The following CTNNAL1 variants were observed in gnomAD, a reference collection of about 807,000 sequenced individuals.
CTNNAL1 encodes alpha-catulin.
In CTNNAL1, 69 loss-of-function variants were observed where a neutral mutation model predicts 93.6. That is an observed-to-expected ratio of 0.74 (90% CI 0.61 to 0.90). The LOEUF (loss-of-function observed/expected upper bound fraction) is 0.90, where lower values mean the gene tolerates loss of function less well. Among genes scored for constraint, CTNNAL1 ranks in the 40% least tolerant of loss-of-function variants. The probability of loss-of-function intolerance (pLI) is 0.00; values close to 1 mark genes in which losing one functional copy is unlikely to be tolerated. For synonymous variants in CTNNAL1, 286 were observed against 305.4 expected, an observed-to-expected ratio of 0.94 and a Z score of 0.66; for missense variants, 836 against 862.0, an observed-to-expected ratio of 0.97 and a Z score of 0.38.
intron 4 of CTNNAL1, among the ~76,000 whole-genome samples, chr9:108,985,254 A>G (rs1831570387): frequency 6.6e-6 from 1 of 152,238 alleles, no homozygotes. Flanking sequence ...ACAGCTACTC[A>G]ATTCTGTCAT....
intron 6 of CTNNAL1, among the ~76,000 whole-genome samples, chr9:108,981,998 G>A (rs1831447608): frequency 6.6e-6 from 1 of 152,204 alleles, no homozygotes; most frequent in Admixed American, 6.5e-5. Flanking sequence ...AGCCCTGTCT[G>A]TTAGAGAGGT....
intron 14 of CTNNAL1, 130 bp downstream of exon 14, chr9:108,952,079 A>G (rs1830578466): frequency 7.2e-6 from 5 of 690,676 alleles, no homozygotes; most frequent in Admixed American, 3.4e-5. Context: ...TTGTCATAGT[A>G]ACTACTTTTA....
rs768941003 is a variant in CTNNAL1 at position 109,013,396 on chromosome 9, ACTGCTCCGGCGCCGCCAACGCCGGCGGGT to A, written c.18_46del (p.Pro7LeufsTer37). On this transcript the variant is annotated frameshift_variant, in exon 1 of 19. Transcript: ENST00000325551. LOFTEE classifies it high-confidence loss of function. The stretch of plus-strand genomic sequence containing the variant: ...GAAGCCCGAAGAGCCGGAGCCGTAG[ACTGCTCCGGCGCCGCCAACGCCGGCGGGT>A]CCGGGAGAGGCGGCCATGGCCCTCG... 10 of 1,500,538 alleles carry A rather than the reference ACTGCTCCGGCGCCGCCAACGCCGGCGGGT, an allele frequency of 6.7e-6. No individual in the cohort carries two copies. The East Asian group carries it at 2.9e-4, about 43-fold the overall frequency. 93.0% of individuals were successfully genotyped at this position (1,500,538 alleles called of 1,614,324 possible). A position where few individuals can be genotyped will look rare whatever the true frequency, so the allele number is the denominator to read the frequency against.
intron 1 of CTNNAL1, 105 bp downstream of exon 1, chr9:109,013,197 G>T: frequency 1.5e-6 from 2 of 1,322,454 alleles, no homozygotes; most frequent in Non-Finnish European, 2.0e-6. Context: ...GTGCCGGCGC[G>T]GAAAGTGGGG....
chr9:108,971,572 T>A (rs2132130090), intron 9 of CTNNAL1, among the ~76,000 whole-genome samples: 1 of 152,148 alleles, frequency 6.6e-6, no homozygotes, highest in Admixed American at 6.6e-5. Flanking sequence ...AAATGGGAGT[T>A]CCCCCCCTGT....
chr9:109,005,898 CTGGAAAGCAGTCTAGGAAATGT>C (rs1467066452), intron 1 of CTNNAL1, among the ~76,000 whole-genome samples: 1 of 152,220 alleles, frequency 6.6e-6, no homozygotes, highest in Non-Finnish European at 1.5e-5. Context: ...CTTCCTTTCA[CTGGAAAGCAGTCTAGGAAATGT>C]TCAATCCAAA....
chr9:108,986,799 T>C (rs1831623262), intron 4 of CTNNAL1, among the ~76,000 whole-genome samples: 1 of 152,264 alleles, frequency 6.6e-6, no homozygotes, highest in African/African-American at 2.4e-5. Flanking sequence ...CATTTTTTCA[T>C]GTGTCTTTTG....
Position 108,943,028 on chromosome 9 carries a change from G to C in CTNNAL1, c.2072C>G (p.Thr691Arg). The change falls in exon 18 of 19, where the codon ACG (threonine) becomes AGG (arginine). Residue 691 changes from threonine (T) to arginine (R), a missense_variant. Transcript: ENST00000325551. ...GAGAGCCATCATGGATCTTGTCTTC[G>C]TAATACACTTGTCAACCTACAATGA... The part of the protein sequence containing the change: ...KVFLKVDKCI[T>R]KTRSMMALLV... 1 of 1,611,598 alleles carries C rather than the reference G, an allele frequency of 6.2e-7. No homozygotes were observed. The highest frequency in any genetic ancestry group is 8.5e-7 in the Non-Finnish European group (1 of 1,179,356).
At chr9:108,961,494 C>A (rs1256921619) in intron 11 of CTNNAL1, among the ~76,000 whole-genome samples, 1 of 152,166 alleles carries the variant, frequency 6.6e-6, no homozygotes, top group Admixed American at 6.5e-5. Flanking sequence ...CCCAGTGAAA[C>A]AATAAGTGTC....
At chr9:109,013,081 G>A (rs1022173107) in intron 1 of CTNNAL1, among the ~76,000 whole-genome samples, 7 of 152,278 alleles carry the variant, frequency 4.6e-5, no homozygotes, top group African/African-American at 1.7e-4. Context: ...CCCTGCTGCC[G>A]AGTCCACTCA....
rs1332182866 is a variant in CTNNAL1, at chr9:108,979,283, C to T, written c.1099G>A (p.Ala367Thr). Reference sequence around the variant, plus strand: ...TTGATTTTAAAAAAAGTTCTTACAGCTTGAATCCACACAGAAATTAACTGC... The same window carrying T: ...TTGATTTTAAAAAAAGTTCTTACAGTTTGAATCCACACAGAAATTAACTGC... ...LQQLISVWIQ[A>T]QSKKTKSIAE... Residue 367 changes from alanine (A) to threonine (T), a missense_variant and splice_region_variant, in exon 7 of 19, where the codon GCT becomes ACT. Physicochemically the swap from Ala to Thr is moderately conservative, Grantham distance 58. Transcript: ENST00000325551. 2 of 1,613,884 alleles carry T rather than the reference C, an allele frequency of 1.2e-6. No homozygotes were observed. The highest frequency in any genetic ancestry group is 1.7e-6 in the Non-Finnish European group (2 of 1,179,994).
At chr9:108,967,297 G>A (rs1198340852) in intron 10 of CTNNAL1, among the ~76,000 whole-genome samples, 1 of 152,196 alleles carries the variant, frequency 6.6e-6, no homozygotes, top group Non-Finnish European at 1.5e-5. Flanking sequence ...TAACTGCTAT[G>A]AGGGAAATTA....
intron 10 of CTNNAL1, 57 bp downstream of exon 10, chr9:108,970,345 T>C (rs945827871): frequency 4.9e-5 from 72 of 1,471,172 alleles, no homozygotes; most frequent in Non-Finnish European, 1.4e-5. Context: ...TCCACACAAC[T>C]TGTTATAACA....
At chr9:109,011,054 G>C (rs1177566831) in intron 1 of CTNNAL1, among the ~76,000 whole-genome samples, 8 of 152,200 alleles carry the variant, frequency 5.3e-5, no homozygotes, top group Admixed American at 5.2e-4. Context: ...GGATGAGATG[G>C]TGAAACATGA....
At chr9:108,954,968 A>ATT (rs11363061) in intron 12 of CTNNAL1, among the ~76,000 whole-genome samples, 32 of 145,574 alleles carry the variant, frequency 2.2e-4, no homozygotes, top group South Asian at 4.4e-4. Flanking sequence ...CAGTAATTTT[A>ATT]TTTTTTTTTT....
chr9:108,949,770 G>A (rs1255798136), intron 14 of CTNNAL1, among the ~76,000 whole-genome samples: 1 of 152,156 alleles, frequency 6.6e-6, no homozygotes, highest in Non-Finnish European at 1.5e-5. Context: ...CCTGAACCCG[G>A]GAGATGGAAA....
chr9:108,990,866 C>T, intron 3 of CTNNAL1, 21 bp from the exon 4 acceptor site: 1 of 1,604,614 alleles, frequency 6.2e-7, no homozygotes, highest in Non-Finnish European at 8.5e-7. Context: ...GATAATAATT[C>T]ATTATTTGGT....
intron 2 of CTNNAL1, among the ~76,000 whole-genome samples, chr9:108,995,783 C>A (rs1017160873): frequency 2.0e-5 from 3 of 152,042 alleles, no homozygotes; most frequent in Admixed American, 1.3e-4. Context: ...ATTTATTGAG[C>A]ACTTACTATG....
rs146572479 is a variant in CTNNAL1, at chr9:108,956,722, G to A, written c.1592-895C>T. ...TCATAGAATGACTATTACAGGAAAT[G>A]GGCAAACCTGTTTGTCTCAGAATGG... On this transcript the variant is annotated intron_variant, in intron 11 of 18. Coordinates refer to ENST00000325551, the MANE Select transcript of CTNNAL1 (RefSeq NM_003798.4). Among the ~76,000 whole-genome samples the A allele has an allele frequency of 6.8e-4, 103 of 152,236 alleles. No homozygotes were observed. In the East Asian group the frequency reaches 0.019, roughly 28 times the overall value.
Sources: gnomAD v4.1 joint callset for allele counts (sites outside exome capture counted in the v4.1 genomes callset) on GRCh38, gnomAD v4.1.1 for gene constraint, MANE v1.5 for transcripts, NCBI Gene and HGNC (gene_info 2026-07-23, HGNC 2026-07-21) for gene names.